RGS7: variants seen among roughly 807,000 people sequenced by gnomAD.
RGS7 encodes the protein regulator of G-protein signaling 7.
A neutral mutation model predicts 81.1 loss-of-function variants in RGS7; 27 were observed. The observed-to-expected ratio is 0.33, with a 90% confidence interval of 0.25 to 0.46. RGS7 has a LOEUF of 0.46. RGS7 is among the 20% of genes least tolerant of loss of function. The pLI is 1.00. For missense variants in RGS7, 396 were observed against 607.4 expected (o/e 0.65, Z 3.66); for synonymous variants, 208 against 207.7 (o/e 1.00, Z -0.01).
At chr1:240,859,251 C>T (rs751515363) in intron 9 of RGS7, among the ~76,000 whole-genome samples, 4 of 152,074 alleles carry the variant, frequency 2.6e-5, no homozygotes, top group Non-Finnish European at 5.9e-5. Flanking sequence ...CCTCCTGTCT[C>T]GGCCTCCCAA....
chr1:241,209,868 A>C (rs1165689224), intron 2 of RGS7, among the ~76,000 whole-genome samples: 1 of 151,966 alleles, frequency 6.6e-6, no homozygotes, highest in Non-Finnish European at 1.5e-5. Flanking sequence ...AAAGAAAATT[A>C]AAATAAAATA....
At chr1:241,103,171 A>G (rs12089199) in intron 2 of RGS7, among the ~76,000 whole-genome samples, 1 of 152,144 alleles carries the variant, frequency 6.6e-6, no homozygotes, top group African/African-American at 2.4e-5. Flanking sequence ...GTGTGTATAT[A>G]TATGTGTGTA....
At chr1:240,811,395 G>C (rs1202067184) in intron 14 of RGS7, among the ~76,000 whole-genome samples, 1 of 152,186 alleles carries the variant, frequency 6.6e-6, no homozygotes, top group Non-Finnish European at 1.5e-5. Context: ...ACTCTCTCAC[G>C]AACAGCTCAA....
chr1:241,181,210 G>A (rs1019929628), intron 2 of RGS7, among the ~76,000 whole-genome samples: 4 of 152,124 alleles, frequency 2.6e-5, no homozygotes, highest in Non-Finnish European at 4.4e-5. Context: ...ATGGACCTTG[G>A]GTGATAATGA....
Position 241,221,014 on chromosome 1 carries a change from G to A in RGS7, c.79-122252C>T, listed in dbSNP as rs371774194. On this transcript the variant is annotated intron_variant, in intron 2 of 18. Transcript: ENST00000440928. Reference sequence around the variant, plus strand: ...GGAAGGAAGAGAGAGAGAAAGGAAGGAAGGAAGGAAGGAAGGAAGGAAGGA... The same window carrying A: ...GGAAGGAAGAGAGAGAGAAAGGAAGAAAGGAAGGAAGGAAGGAAGGAAGGA... Among the ~76,000 whole-genome samples the A allele has an allele frequency of 2.6e-3, 241 of 92,114 alleles. 6 individuals are homozygous for A. Among genetic ancestry groups the A allele is most frequent in the African/African-American group, 5.7e-3 (162 of 28,344 alleles). The allele number at this position is 92,114 out of a possible 152,430, so 60.4% of individuals were successfully genotyped here. A position where few individuals can be genotyped will look rare whatever the true frequency, so the allele number is the denominator to read the frequency against.
chr1:240,878,489 C>CTTTTTTTTTTTTTTTTTTTTTTTTT (rs57896753), intron 6 of RGS7, among the ~76,000 whole-genome samples: 8 of 117,572 alleles, frequency 6.8e-5, no homozygotes, highest in East Asian at 2.5e-4. Context: ...TTTTTTCTTT[C>CTTTTTTTTTTTTTTTTTTTTTTTTT]TTTTTTTTTT....
intron 3 of RGS7, among the ~76,000 whole-genome samples, chr1:241,051,783 GA>G (rs1417785738): frequency 1.3e-5 from 2 of 152,196 alleles, no homozygotes; most frequent in Admixed American, 1.3e-4. Context: ...TTCTCTGTCT[GA>G]GATACTATAC....
intron 9 of RGS7, among the ~76,000 whole-genome samples, chr1:240,834,600 TC>T (rs1694376542): frequency 6.6e-6 from 1 of 152,126 alleles, no homozygotes; most frequent in Non-Finnish European, 1.5e-5. Context: ...AAGCTCCGCC[TC>T]CCGGGTTCAC....
intron 2 of RGS7, among the ~76,000 whole-genome samples, chr1:241,195,263 G>A (rs992488996): frequency 1.3e-5 from 2 of 152,144 alleles, no homozygotes; most frequent in Non-Finnish European, 2.9e-5. Context: ...ATCACCTGAG[G>A]TCAGGAGTTC....
chr1:241,232,980 TA>T (rs1304706905), intron 2 of RGS7, among the ~76,000 whole-genome samples: 1 of 152,054 alleles, frequency 6.6e-6, no homozygotes, highest in Non-Finnish European at 1.5e-5. Flanking sequence ...TTGGCTTATA[TA>T]AAAAAAATCT....
chr1:241,094,642 T>C (rs1013576506), intron 3 of RGS7, among the ~76,000 whole-genome samples: 11 of 144,044 alleles, frequency 7.6e-5, no homozygotes, highest in African/African-American at 2.9e-4. Flanking sequence ...CAAAGAAAAG[T>C]CTTAGATGTT....
rs576225388 is a variant in RGS7 at position 241,063,981 on chromosome 1, C to T, written c.175+34685G>A. Among the ~76,000 whole-genome samples the T allele has an allele frequency of 1.5e-4, 22 of 150,512 alleles. No homozygotes were observed. The South Asian group carries it at 2.1e-3, about 14-fold the overall frequency. On this transcript the variant is annotated intron_variant, in intron 3 of 18. Transcript: ENST00000440928. The stretch of plus-strand genomic sequence containing the variant: ...GGCGGATCACCTGAGGCTGGGAGTT[C>T]GAGACCAGTCTGACCAACATGGAGA...
At chr1:241,341,966 C>T (rs906476090) in intron 2 of RGS7, among the ~76,000 whole-genome samples, 6 of 150,986 alleles carry the variant, frequency 4.0e-5, no homozygotes, top group African/African-American at 7.3e-5. Context: ...CCTCTGCCAC[C>T]CTGGTTCAAG....
At chr1:241,083,889 A>C (rs1380335166) in intron 3 of RGS7, among the ~76,000 whole-genome samples, 3 of 152,112 alleles carry the variant, frequency 2.0e-5, no homozygotes, top group African/African-American at 7.2e-5. Context: ...ATGAAAAAAA[A>C]CTCACAATTA....
chr1:240,965,894 G>A (rs1682212198), intron 4 of RGS7, among the ~76,000 whole-genome samples: 2 of 152,176 alleles, frequency 1.3e-5, no homozygotes, highest in Non-Finnish European at 2.9e-5. Context: ...TCAAATGTGA[G>A]GCCCCAGATG....
At position 241,108,302 on chromosome 1, in the gene RGS7, C is replaced by CAA. The variant is rs34848063; in HGVS notation, c.79-9542_79-9541dup. 3.2e-3 allele frequency among the ~76,000 whole-genome samples: 227 copies of CAA among 70,608 alleles called. 4 individuals carry two copies. Among genetic ancestry groups the CAA allele is most frequent in the East Asian group, 0.013 (20 of 1,560 alleles). The allele number at this position is 70,608 out of a possible 152,430, so 46.3% of individuals were successfully genotyped here. ...AGGGCGACAGAGCGAGACTCCGTCT[C>CAA]AAAAAAAAAAAAAAAAAAAAGCGCC... On this transcript the variant is annotated intron_variant, in intron 2 of 18. Transcript: ENST00000440928.
intron 3 of RGS7, among the ~76,000 whole-genome samples, chr1:241,086,417 C>T (rs1377377061): frequency 6.6e-6 from 1 of 152,074 alleles, no homozygotes; most frequent in Non-Finnish European, 1.5e-5. Flanking sequence ...ACTTCCCGCA[C>T]CACCACCCCT....
chr1:240,913,895 TG>T (rs1672162985), intron 6 of RGS7, among the ~76,000 whole-genome samples: 2 of 152,078 alleles, frequency 1.3e-5, no homozygotes, highest in Middle Eastern at 3.2e-3. Context: ...TTGTTTTTTT[TG>T]TTTTTTTAAT....
chr1:241,018,133 A>ATTTTTTTT (rs34587479), intron 3 of RGS7, among the ~76,000 whole-genome samples: 276 of 114,372 alleles, frequency 2.4e-3, no homozygotes, highest in African/African-American at 5.6e-3. Context: ...TGCCCAGCTA[A>ATTTTTTTT]TTTTTTTTTT....
Sources: gnomAD v4.1 joint callset for allele counts (sites outside exome capture counted in the v4.1 genomes callset) on GRCh38, gnomAD v4.1.1 for gene constraint, MANE v1.5 for transcripts, NCBI Gene and HGNC (gene_info 2026-07-23, HGNC 2026-07-21) for gene names.